CACUL1: variants seen among roughly 807,000 people sequenced by gnomAD.
CACUL1 encodes the protein CDK2 associated cullin domain 1.
A neutral mutation model predicts 45.2 loss-of-function variants in CACUL1; 13 were observed. That is an observed-to-expected ratio of 0.29 (90% confidence interval 0.19 to 0.46). CACUL1 has a LOEUF of 0.46. CACUL1 is among the 20% of genes least tolerant of loss of function. CACUL1 has a pLI of 1.00. For synonymous variants in CACUL1, 197 were observed against 174.2 expected, an observed-to-expected ratio of 1.13 and a Z score of -1.03; for missense variants, 421 against 471.4, an observed-to-expected ratio of 0.89 and a Z score of 0.99.
At chr10:118,748,451 T>C (rs1271854002) in intron 1 of CACUL1, among the ~76,000 whole-genome samples, 3 of 152,140 alleles carry the variant, frequency 2.0e-5, no homozygotes, top group Non-Finnish European at 4.4e-5. Flanking sequence ...GGGGAAACTA[T>C]GCAAATATAG....
At chr10:118,753,168 C>T (rs1845913847) in intron 1 of CACUL1, among the ~76,000 whole-genome samples, 1 of 152,200 alleles carries the variant, frequency 6.6e-6, no homozygotes, top group Non-Finnish European at 1.5e-5. Flanking sequence ...CACAACACAG[C>T]CTTCAACACA....
At chr10:118,705,092 T>C (rs1456326138) in intron 4 of CACUL1, among the ~76,000 whole-genome samples, 1 of 152,256 alleles carries the variant, frequency 6.6e-6, no homozygotes, top group African/African-American at 2.4e-5. Flanking sequence ...TTCATTCTTA[T>C]TTATCTTTTA....
chr10:118,701,369 T>G lies in CACUL1; in HGVS notation c.733A>C (p.Lys245Gln), dbSNP rs1344381897. 1 of 1,578,340 alleles carries G rather than the reference T, an allele frequency of 6.3e-7. No individual in the cohort carries two copies. Among genetic ancestry groups the G allele is most frequent in the African/African-American group, 1.3e-5 (1 of 74,472 alleles). Residue 245 changes from lysine to glutamine, a missense_variant, in exon 5 of 9, where the codon AAA becomes CAA. Around this residue, in one of 2 missense-constraint regions of CACUL1, gnomAD observed 208 missense variants for 298.4 expected, o/e 0.70. Transcript: ENST00000369151. ...YIETKLNRDL[K>Q]DDLIKLFTEH... ...GTAAACAGCTTTATAAGGTCATCTT[T>G]TAAGTCTCTGTTAAGCTTGGTTTCG... is the stretch of plus-strand genomic sequence containing the variant.
chr10:118,719,223 C>T (rs1175214956), intron 3 of CACUL1, among the ~76,000 whole-genome samples: 1 of 152,190 alleles, frequency 6.6e-6, no homozygotes, highest in Non-Finnish European at 1.5e-5. Context: ...AGTCCTTTAA[C>T]ATTTATTCCT....
chr10:118,744,691 T>C (rs971286171), intron 1 of CACUL1, among the ~76,000 whole-genome samples: 4 of 152,190 alleles, frequency 2.6e-5, no homozygotes, highest in Non-Finnish European at 4.4e-5. Flanking sequence ...ATTCTCGTCA[T>C]GTCGCCCAGC....
At position 118,754,511 on chromosome 10, in the gene CACUL1, A is replaced by G. The variant is rs763360674; in HGVS notation, c.252T>C (p.Ala84=). 6 of 1,613,148 alleles carry G rather than the reference A, an allele frequency of 3.7e-6. No homozygotes were observed. The highest frequency in any genetic ancestry group is 3.3e-5 in the South Asian group (3 of 91,062). The change falls in exon 1 of 9, where the codon GCT becomes GCC. Residue 84 remains alanine, a synonymous_variant. Coordinates refer to ENST00000369151, the MANE Select transcript of CACUL1 (RefSeq NM_153810.5). ...TCTTCAACATCATGATCACCCCATT[A>G]GCCTCCGGCGGTGGCTGCGGCCCCA... The part of the protein sequence containing the change: ...LPMGPQPPPE[A]NGVIMMLKSC...
chr10:118,745,031 T>C (rs1845827941), intron 1 of CACUL1, among the ~76,000 whole-genome samples: 1 of 152,198 alleles, frequency 6.6e-6, no homozygotes, highest in African/African-American at 2.4e-5. Flanking sequence ...TTATGACATA[T>C]ATTAAAGTTA....
chr10:118,733,980 T>C (rs2119650219), intron 1 of CACUL1, among the ~76,000 whole-genome samples: 1 of 152,276 alleles, frequency 6.6e-6, no homozygotes, highest in South Asian at 2.1e-4. Flanking sequence ...CATAACCCTG[T>C]ACTCCAGTCT....
intron 3 of CACUL1, among the ~76,000 whole-genome samples, chr10:118,712,905 A>C (rs1041720061): frequency 2.0e-5 from 3 of 152,234 alleles, no homozygotes; most frequent in Admixed American, 2.0e-4. Context: ...TCCAGTCTGT[A>C]GGACTGGCAG....
chr10:118,749,648 G>A (rs1845876609), intron 1 of CACUL1, among the ~76,000 whole-genome samples: 1 of 152,152 alleles, frequency 6.6e-6, no homozygotes, highest in South Asian at 2.1e-4. Context: ...GAACATGCAG[G>A]TATTTATTAG....
chr10:118,694,885 A>G (rs1239804201), intron 6 of CACUL1: 1 of 318,102 alleles, frequency 3.1e-6, no homozygotes, highest in East Asian at 5.9e-5. Flanking sequence ...AATTTTATCC[A>G]AAGTGTATCC....
At chr10:118,719,973 A>G (rs1845585112) in intron 3 of CACUL1, among the ~76,000 whole-genome samples, 1 of 152,190 alleles carries the variant, frequency 6.6e-6, no homozygotes, top group South Asian at 2.1e-4. Context: ...TATAATATAC[A>G]TATTAGACAC....
intron 2 of CACUL1, 57 bp from the exon 3 acceptor site, chr10:118,729,454 G>T: frequency 2.4e-6 from 3 of 1,250,336 alleles, no homozygotes; most frequent in Middle Eastern, 1.9e-4. Context: ...ACTTAACTCA[G>T]TCCAAGGTTA....
At chr10:118,721,332 G>A (rs1845598081) in intron 3 of CACUL1, among the ~76,000 whole-genome samples, 1 of 152,176 alleles carries the variant, frequency 6.6e-6, no homozygotes, top group Non-Finnish European at 1.5e-5. Flanking sequence ...TTTATAAATA[G>A]TGAATCAAAG....
intron 3 of CACUL1, among the ~76,000 whole-genome samples, chr10:118,722,779 G>A (rs187636469): frequency 1.3e-5 from 2 of 152,226 alleles, no homozygotes; most frequent in East Asian, 3.9e-4. Flanking sequence ...CCAAACGGAG[G>A]ACTAGCTAAA....
At chr10:118,693,811 A>C (rs2119556486) in intron 6 of CACUL1, 1 of 439,624 alleles carries the variant, frequency 2.3e-6, no homozygotes, top group South Asian at 1.6e-5. Flanking sequence ...TACTTTATAC[A>C]AGTAATTTCT....
At position 118,683,063 on chromosome 10, in the gene CACUL1, C is replaced by G. The variant is rs957115542; in HGVS notation, c.*3065G>C. 5 of 152,186 alleles carry G rather than the reference C, an allele frequency of 3.3e-5. No homozygotes were observed. Among genetic ancestry groups the G allele is most frequent in the African/African-American group, 4.8e-5 (2 of 41,438 alleles). The allele number at this position is 152,186 out of a possible 1,614,324, so 9.4% of individuals were successfully genotyped here. A position where few individuals can be genotyped will look rare whatever the true frequency, so the allele number is the denominator to read the frequency against. On this transcript the variant is annotated 3_prime_UTR_variant, in exon 9 of 9. Transcript: ENST00000369151. Reference sequence around the variant, plus strand: ...AGTTAATTCCTGTCAGGTTAGGGTACAGGTGTGACAACAAAAGGTCACAAA... The same window carrying G: ...AGTTAATTCCTGTCAGGTTAGGGTAGAGGTGTGACAACAAAAGGTCACAAA...
intron 7 of CACUL1, among the ~76,000 whole-genome samples, chr10:118,687,028 C>T (rs1482020000): frequency 6.6e-6 from 1 of 152,182 alleles, no homozygotes; most frequent in African/African-American, 2.4e-5. Flanking sequence ...AGCCTTTCTT[C>T]CTCAGCATTT....
In CACUL1 at chr10:118,745,987, A is replaced by G. The variant is rs943108735; in HGVS notation, c.367+8409T>C. On this transcript the variant is annotated intron_variant, in intron 1 of 8. Transcript: ENST00000369151. The stretch of plus-strand genomic sequence containing the variant: ...CCCCATCTCTACTAAAAAAAAAAAT[A>G]CAAAAAAAAAAAAAATTAGCTGGGC... Among the ~76,000 whole-genome samples, 3 of 144,236 alleles carry G rather than the reference A, an allele frequency of 2.1e-5. No homozygotes were observed. In the Admixed American group the frequency reaches 2.2e-4, roughly 10 times the overall value. The allele number at this position is 144,236 out of a possible 152,430, so 94.6% of individuals were successfully genotyped here.
Sources: gnomAD v4.1 joint callset for allele counts (sites outside exome capture counted in the v4.1 genomes callset) on GRCh38, gnomAD v4.1.1 for gene constraint, gnomAD v4.1.1 regional missense constraint, MANE v1.5 for transcripts, NCBI Gene and HGNC (gene_info 2026-07-23, HGNC 2026-07-21) for gene names.